The following RABL2B variants were observed in gnomAD, a reference collection of about 807,000 sequenced individuals.
The protein encoded by RABL2B is rab-like protein 2B.
Under a neutral mutation model 26.7 loss-of-function variants are expected in RABL2B, and 17 were observed. The ratio of observed to expected loss-of-function variants is 0.64; its 90% CI spans 0.44 to 0.95. The LOEUF (loss-of-function observed/expected upper bound fraction) is 0.95. Ranked by LOEUF, RABL2B falls within the 40% of genes least tolerant of loss-of-function variation. RABL2B has a pLI of 0.00. For missense variants in RABL2B, 170 were observed against 277.2 expected, an observed-to-expected ratio of 0.61 and a Z score of 2.75; for synonymous variants, 70 against 103.9, an observed-to-expected ratio of 0.67 and a Z score of 1.99.
At chr22:50,773,127 A>AGGT (rs1252912584) in intron 5 of RABL2B, 1 of 1,271,596 alleles carries the variant, frequency 7.9e-7, no homozygotes, top group Non-Finnish European at 1.0e-6. Context: ...AGAAAAAGAG[A>AGGT]GGTGAGCTCA....
At position 50,767,791 on chromosome 22, in the gene RABL2B, T is replaced by C. The variant is rs566021613; in HGVS notation, c.*985A>G. ...TTGTAGTCCAAATGGACGTACCTTG[T>C]GGTATGGCTGTAAGGACTCGATTTT... On this transcript the variant is annotated 3_prime_UTR_variant, in exon 9 of 9. Transcript: ENST00000691320. 1.2e-4 allele frequency: 54 copies of C among 452,946 alleles called. No homozygotes were observed. The highest frequency in any genetic ancestry group is 1.1e-3 in the African/African-American group (53 of 49,936). The allele number at this position is 452,946 out of a possible 1,614,324, so 28.1% of individuals were successfully genotyped here. A position where few individuals can be genotyped will look rare whatever the true frequency, so the allele number is the denominator to read the frequency against.
In RABL2B at chr22:50,778,291, C is replaced by T. The variant is rs560328322; in HGVS notation, c.108-310G>A. ...TGTGTTATGCAAAGGGAAACAGAGGCCAGGCCAAAGCTGCGCCTTCCGTTC... is the reference window on the plus strand; with the variant it reads ...TGTGTTATGCAAAGGGAAACAGAGGTCAGGCCAAAGCTGCGCCTTCCGTTC... On this transcript the variant is annotated intron_variant, in intron 2 of 8. Transcript: ENST00000691320. Among the ~76,000 whole-genome samples, 49 of 150,698 alleles carry T rather than the reference C, an allele frequency of 3.3e-4. 1 individual carries two copies. The South Asian group carries it at 9.9e-3, about 30-fold the overall frequency.
intron 3 of RABL2B, chr22:50,777,520 A>G (rs1473586180): frequency 3.6e-6 from 1 of 278,306 alleles, no homozygotes; most frequent in Admixed American, 4.9e-5. Context: ...ATAACAATTC[A>G]TGGGAGAAAG....
chr22:50,770,895 ATTTTTATT>A (rs1248885488), intron 5 of RABL2B, among the ~76,000 whole-genome samples: 2 of 139,262 alleles, frequency 1.4e-5, no homozygotes, highest in Non-Finnish European at 3.0e-5. Flanking sequence ...GCACGCATTA[ATTTTTATT>A]TTTTTATTTT....
At position 50,774,158 on chromosome 22, in the gene RABL2B, G is replaced by A. The variant is rs542927755; in HGVS notation, c.297+1614C>T. The stretch of plus-strand genomic sequence containing the variant: ...GATCCGCCCGCCTCGGCCTCCCAAA[G>A]TGCTGGGATTACAGGCGTGAGCCAC... On this transcript the variant is annotated intron_variant, in intron 5 of 8. Coordinates refer to ENST00000691320, the MANE Select transcript of RABL2B (RefSeq NM_001130919.3). 4.6e-5 allele frequency among the ~76,000 whole-genome samples: 7 copies of A among 152,340 alleles called. No individual in the cohort carries two copies. The South Asian group carries it at 1.2e-3, about 27-fold the overall frequency.
At chr22:50,783,054 A>C (rs1341200472) in intron 1 of RABL2B, 1 of 151,804 alleles carries the variant, frequency 6.6e-6, no homozygotes, top group Non-Finnish European at 1.5e-5. Context: ...CCCTGTAGAG[A>C]GAGCGACAGA....
At chr22:50,769,397 G>A (rs2083798814) in intron 7 of RABL2B, 58 bp downstream of exon 7, 1 of 1,611,066 alleles carries the variant, frequency 6.2e-7, no homozygotes, top group Non-Finnish European at 8.5e-7. Flanking sequence ...TCTCTTCACA[G>A]CTTCCCTTTA....
intron 5 of RABL2B, among the ~76,000 whole-genome samples, chr22:50,774,491 T>A (rs1197860873): frequency 2.7e-5 from 4 of 149,524 alleles, no homozygotes; most frequent in Non-Finnish European, 5.9e-5. Flanking sequence ...CTGCTGGTGG[T>A]CCAGCCAAGT....
chr22:50,771,150 C>G (rs1249520533), intron 5 of RABL2B: 7 of 151,556 alleles, frequency 4.6e-5, no homozygotes, highest in African/African-American at 1.7e-4. Context: ...TCAAGTGATT[C>G]TCTTGTCTCG....
At chr22:50,779,730 T>A (rs1299610191) in intron 2 of RABL2B, among the ~76,000 whole-genome samples, 1 of 152,158 alleles carries the variant, frequency 6.6e-6, no homozygotes, top group African/African-American at 2.4e-5. Context: ...ACACCTGTAA[T>A]CCCAGCACTT....
chr22:50,772,920 C>G (rs1209189116), intron 5 of RABL2B: 1 of 1,205,802 alleles, frequency 8.3e-7, no homozygotes, highest in African/African-American at 1.6e-5. Flanking sequence ...GCCCTGGTTC[C>G]GTCTCTGACC....
At position 50,767,847 on chromosome 22, in the gene RABL2B, C is replaced by G. The variant is rs189359254; in HGVS notation, c.*929G>C. 47 of 420,940 alleles carry G rather than the reference C, an allele frequency of 1.1e-4. No individual in the cohort carries two copies. The highest frequency in any genetic ancestry group is 9.3e-4 in the African/African-American group (45 of 48,192). The allele number at this position is 420,940 out of a possible 1,614,324, so 26.1% of individuals were successfully genotyped here. A position where few individuals can be genotyped will look rare whatever the true frequency, so the allele number is the denominator to read the frequency against. On this transcript the variant is annotated 3_prime_UTR_variant, in exon 9 of 9. Transcript: ENST00000691320. ...TTGTGTATTCCTAACTATAGCTAGG[C>G]CTGTCACCTGCTGTTCCTGTGATCT...
intron 5 of RABL2B, among the ~76,000 whole-genome samples, chr22:50,773,779 G>C (rs2238835): frequency 1.3e-5 from 2 of 149,930 alleles, no homozygotes; most frequent in South Asian, 2.1e-4. Flanking sequence ...GATGACACCT[G>C]CTCAGCCATG....
At chr22:50,782,453 T>C in intron 1 of RABL2B, 106 bp from the exon 2 acceptor site, 2 of 1,482,496 alleles carry the variant, frequency 1.3e-6, no homozygotes, top group Non-Finnish European at 1.8e-6. Context: ...CAGACTGAGA[T>C]ATGGTATGCA....
At chr22:50,776,180 C>G (rs530621734) in intron 4 of RABL2B, among the ~76,000 whole-genome samples, 4 of 152,294 alleles carry the variant, frequency 2.6e-5, no homozygotes, top group African/African-American at 9.6e-5. Flanking sequence ...CCAAACTATT[C>G]CAACTTCTCA....
At position 50,768,508 on chromosome 22, in the gene RABL2B, C is replaced by T. The variant is rs2595127; in HGVS notation, c.*268G>A. On this transcript the variant is annotated 3_prime_UTR_variant, in exon 9 of 9. Transcript: ENST00000691320. The stretch of plus-strand genomic sequence containing the variant: ...TCTGATTCTCTTCACTGTCTGCCTG[C>T]GGGGAGGGGGTGGGGAAGGTGTTAA... 1.9e-5 allele frequency: 13 copies of T among 673,598 alleles called. No individual in the cohort carries two copies. The highest frequency in any genetic ancestry group is 1.0e-4 in the South Asian group (5 of 47,810). The allele number at this position is 673,598 out of a possible 1,614,324, so 41.7% of individuals were successfully genotyped here.
Position 50,768,809 on chromosome 22 carries a change from G to C in RABL2B, c.657C>G (p.Thr219=). ...GGGGAGAGGCCGCCTCCTCTGATGG[G>C]GTCTCGATGCTGCTGCTCTGTTCCT... ...PDQEQSSSIE[T]PSEEAASPHS is the part of the protein sequence containing the mutation. Residue 219 remains threonine (T), a synonymous_variant, in exon 9 of 9, where the codon ACC becomes ACG. Transcript: ENST00000691320. 1 of 1,613,774 alleles carries C rather than the reference G, an allele frequency of 6.2e-7. No homozygotes were observed. Among genetic ancestry groups the C allele is most frequent in the Non-Finnish European group, 8.5e-7 (1 of 1,179,844 alleles).
chr22:50,769,238 C>T (rs1289316032), intron 7 of RABL2B, 114 bp from the exon 8 acceptor site: 5 of 627,932 alleles, frequency 8.0e-6, no homozygotes, highest in African/African-American at 5.8e-5. Flanking sequence ...GCAACCTTAC[C>T]CCTCCATTTG....
At chr22:50,774,533 G>A (rs1444006112) in intron 5 of RABL2B, among the ~76,000 whole-genome samples, 1 of 149,132 alleles carries the variant, frequency 6.7e-6, no homozygotes, top group Non-Finnish European at 1.5e-5. Flanking sequence ...GATGCCCCAG[G>A]CAGTTCCAGC....
Sources: gnomAD v4.1 joint callset for allele counts (sites outside exome capture counted in the v4.1 genomes callset) on GRCh38, gnomAD v4.1.1 for gene constraint, MANE v1.5 for transcripts, NCBI Gene and HGNC (gene_info 2026-07-23, HGNC 2026-07-21) for gene names.